C6orf52: variants seen among roughly 807,000 people sequenced by gnomAD.
C6orf52 encodes chromosome 6 open reading frame 52, also known as putative uncharacterized protein C6orf52.
Under a neutral mutation model 16.6 loss-of-function variants are expected in C6orf52, and 16 were observed. That is an observed-to-expected ratio of 0.96 (90% CI 0.65 to 1.46). C6orf52 has a LOEUF of 1.46. Among genes scored for constraint, C6orf52 ranks in the 40% most tolerant of loss-of-function variants. The pLI is 0.00. For synonymous variants in C6orf52, 53 were observed against 61.4 expected (o/e 0.86, Z 0.64); for missense variants, 166 against 182.3 (o/e 0.91, Z 0.52).
At chr6:10,687,899 G>A (rs555305296) in intron 1 of C6orf52, among the ~76,000 whole-genome samples, 3 of 152,082 alleles carry the variant, frequency 2.0e-5, no homozygotes, top group African/African-American at 7.2e-5. Context: ...GACAATGAAG[G>A]ATAGTCTCCA....
chr6:10,677,900 G>A (rs1004990091), intron 4 of C6orf52, among the ~76,000 whole-genome samples: 2 of 151,936 alleles, frequency 1.3e-5, no homozygotes, highest in African/African-American at 4.8e-5. Context: ...GAATCTGGCT[G>A]GGCATAGTGG....
intron 3 of C6orf52, among the ~76,000 whole-genome samples, chr6:10,685,589 G>A (rs1411457570): frequency 6.6e-6 from 1 of 152,180 alleles, no homozygotes; most frequent in Admixed American, 6.5e-5. Context: ...AAGCTGGGGT[G>A]GGGGAAGTCC....
intron 1 of C6orf52, among the ~76,000 whole-genome samples, chr6:10,689,885 TATGTC>T (rs1229535568): frequency 1.3e-5 from 2 of 152,234 alleles, no homozygotes; most frequent in African/African-American, 4.8e-5. Context: ...CCACTATTGT[TATGTC>T]AGGTAAAACA....
At chr6:10,678,228 T>A (rs1258909638) in intron 4 of C6orf52, among the ~76,000 whole-genome samples, 1 of 151,452 alleles carries the variant, frequency 6.6e-6, no homozygotes, top group East Asian at 1.9e-4. Context: ...GTGCATTGAT[T>A]CTGTAGATCA....
In C6orf52 at chr6:10,671,577, A is replaced by G. The variant is rs1581524535; in HGVS notation, c.338T>C (p.Ile113Thr). The G allele has an allele frequency of 3.9e-6, 6 of 1,545,238 alleles. No individual in the cohort carries two copies. The highest frequency in any genetic ancestry group is 2.6e-6 in the Non-Finnish European group (3 of 1,144,056). Reference protein sequence around the residue: ...PLEDPHLHLNIEESNQEFMVK... With the variant: ...PLEDPHLHLNTEESNQEFMVK... ...CATAAACTCTTGGTTTGATTCCTCA[A>G]TATTCAAATGAAGATGTGGATCTGC... Residue 113 changes from isoleucine to threonine, a missense_variant, in exon 5 of 5, where the codon ATT becomes ACT. By Grantham distance (89) the Ile-to-Thr change is moderately conservative. Coordinates refer to ENST00000259983, the MANE Select transcript of C6orf52 (RefSeq NM_001145020.3).
At chr6:10,686,429 T>G (rs370362840) in intron 3 of C6orf52, among the ~76,000 whole-genome samples, 30 of 152,094 alleles carry the variant, frequency 2.0e-4, no homozygotes, top group African/African-American at 4.8e-4. Context: ...GGGGTGTGTG[T>G]GGGGGGGAAC....
chr6:10,694,830 C>T, upstream of C6orf52: 2 of 583,762 alleles, frequency 3.4e-6, no homozygotes, highest in Non-Finnish European at 6.0e-6. Context: ...AGTGTTTCCA[C>T]GTTACAGGCG....
At chr6:10,675,466 T>G (rs1381537537) in intron 4 of C6orf52, among the ~76,000 whole-genome samples, 2 of 152,242 alleles carry the variant, frequency 1.3e-5, no homozygotes, top group East Asian at 1.9e-4. Flanking sequence ...TCTTGGCTAT[T>G]GTGAATAGTG....
chr6:10,693,960 T>A (rs181973187), intron 1 of C6orf52, among the ~76,000 whole-genome samples: 6 of 152,180 alleles, frequency 3.9e-5, no homozygotes, highest in Middle Eastern at 3.4e-3. Flanking sequence ...TTTTCCCAAC[T>A]CTCAAATGAA....
chr6:10,675,601 C>T (rs1379862547), intron 4 of C6orf52, among the ~76,000 whole-genome samples: 2 of 152,134 alleles, frequency 1.3e-5, no homozygotes, highest in African/African-American at 2.4e-5. Flanking sequence ...TGAGGAAACG[C>T]CATACTTTTT....
chr6:10,683,126 G>T, intron 4 of C6orf52, 61 bp downstream of exon 4: 2 of 1,138,312 alleles, frequency 1.8e-6, no homozygotes, highest in Non-Finnish European at 2.5e-6. Flanking sequence ...CAAGCTGAGT[G>T]AATGAGAAAC....
chr6:10,687,494 G>T lies in C6orf52; in HGVS notation c.57C>A (p.Tyr19Ter). 6.5e-7 allele frequency: 1 copy of T among 1,549,036 alleles called. No individual in the cohort carries two copies. Among genetic ancestry groups the T allele is most frequent in the Admixed American group, 2.0e-5 (1 of 50,982 alleles). The change falls in exon 2 of 5, where the codon TAC becomes TAA. Residue 19 changes from tyrosine (Y) to a stop codon, truncating the protein, a stop_gained. Transcript: ENST00000259983. LOFTEE classifies it high-confidence loss of function. ...AAACCACTCACCTTTGCCAGTAGCA[G>T]TAATAGTTATTTTGTTGAGCTATGC... ...DFGIAQQNNY[Y>*]CYWQSLPSAI... is the part of the protein sequence containing the mutation.
At chr6:10,682,757 G>A (rs1768510580) in intron 4 of C6orf52, among the ~76,000 whole-genome samples, 1 of 152,136 alleles carries the variant, frequency 6.6e-6, no homozygotes, top group African/African-American at 2.4e-5. Flanking sequence ...AAAACAAATT[G>A]AGAAGTACAG....
intron 2 of C6orf52, 79 bp from the exon 3 acceptor site, chr6:10,687,243 G>A (rs879381827): frequency 4.8e-5 from 52 of 1,085,826 alleles, no homozygotes; most frequent in Non-Finnish European, 6.8e-5. Flanking sequence ...CAGGAAGTTT[G>A]CAGTAAGCTG....
At chr6:10,691,037 G>C (rs1239905352) in intron 1 of C6orf52, among the ~76,000 whole-genome samples, 1 of 152,164 alleles carries the variant, frequency 6.6e-6, no homozygotes, top group African/African-American at 2.4e-5. Context: ...GTTCAAGGCC[G>C]AGGACACATA....
chr6:10,682,605 A>G (rs1461263846), intron 4 of C6orf52, among the ~76,000 whole-genome samples: 2 of 152,242 alleles, frequency 1.3e-5, no homozygotes, highest in African/African-American at 2.4e-5. Flanking sequence ...GACATGTGAT[A>G]AGAAAAAGGC....
intron 3 of C6orf52, among the ~76,000 whole-genome samples, chr6:10,684,152 G>A (rs761415455): frequency 1.3e-5 from 2 of 151,922 alleles, no homozygotes; most frequent in African/African-American, 2.4e-5. Flanking sequence ...ATTTAGATAC[G>A]GCTAAGACCG....
chr6:10,672,983 T>C (rs1276824290), intron 4 of C6orf52, among the ~76,000 whole-genome samples: 3 of 152,248 alleles, frequency 2.0e-5, no homozygotes, highest in Non-Finnish European at 2.9e-5. Context: ...GAGCTACTTC[T>C]CACTTTTCTT....
At chr6:10,675,182 C>T (rs531919960) in intron 4 of C6orf52, among the ~76,000 whole-genome samples, 44 of 152,302 alleles carry the variant, frequency 2.9e-4, no homozygotes, top group African/African-American at 9.9e-4. Context: ...CTCCCTACCA[C>T]TCTCTCCCTG....
Sources: gnomAD v4.1 joint callset for allele counts (sites outside exome capture counted in the v4.1 genomes callset) on GRCh38, gnomAD v4.1.1 for gene constraint, MANE v1.5 for transcripts, NCBI Gene and HGNC (gene_info 2026-07-23, HGNC 2026-07-21) for gene names.